Variants in MUC5AC observed in about 807,000 individuals in gnomAD.
MUC5AC encodes mucin 5AC, oligomeric mucus/gel-forming.
In MUC5AC, 158 loss-of-function variants were observed where a neutral mutation model predicts 169.7. The ratio of observed to expected loss-of-function variants is 0.93; its 90% CI spans 0.82 to 1.06. MUC5AC has a LOEUF of 1.06. MUC5AC is among the 50% of genes least tolerant of loss of function. The pLI is 0.00. For missense variants in MUC5AC, 4,359 were observed against 3,089.9 expected, an observed-to-expected ratio of 1.41 and a Z score of -9.74; for synonymous variants, 1,975 against 1,237.0, an observed-to-expected ratio of 1.60 and a Z score of -12.52.
At position 1,190,255 on chromosome 11, in the gene MUC5AC, C is replaced by T. The variant is rs1861054743; in HGVS notation, c.12110C>T (p.Pro4037Leu). The change falls in exon 31 of 49, where the codon CCC (proline) becomes CTC (leucine). Residue 4037 changes from proline to leucine, a missense_variant. By Grantham distance (98) the Pro-to-Leu change is moderately conservative (BLOSUM62 -3). Transcript: ENST00000621226. The stretch of plus-strand genomic sequence containing the variant: ...TGCCGGAACCAGGACCAGCAGGGAC[C>T]CTTCAAGATGTGCCTCAACTACGAG... ...LVCRNQDQQGPFKMCLNYEVR... is the reference protein window; with the variant it reads ...LVCRNQDQQGLFKMCLNYEVR... 4 of 729,128 alleles carry T rather than the reference C, an allele frequency of 5.5e-6. No homozygotes were observed. In the Admixed American group the frequency reaches 5.5e-5, roughly 10 times the overall value. 45.2% of individuals were successfully genotyped at this position (729,128 alleles called of 1,614,324 possible). A position where few individuals can be genotyped will look rare whatever the true frequency, so the allele number is the denominator to read the frequency against.
chr11:1,169,189 C>T, intron 15 of MUC5AC, 163 bp downstream of exon 15: 3 of 976,802 alleles, frequency 3.1e-6, no homozygotes, highest in Non-Finnish European at 3.6e-6. Flanking sequence ...GCGCCCAACC[C>T]AGCTTATGTG....
chr11:1,186,554 C>A lies in MUC5AC; in HGVS notation c.8409C>A (p.Ser2803Arg). Residue 2803 changes from serine to arginine, a missense_variant, in exon 31 of 49, where the codon AGC becomes AGA. Ser to Arg is a moderately radical substitution (Grantham distance 110). Coordinates refer to ENST00000621226, the MANE Select transcript of MUC5AC (RefSeq NM_001304359.2). ...TTSTTSTTIT[S>R]TTSAPISSTT... ...GCACAACCTCTACTACTATAACCAG[C>A]ACAACTTCTGCCCCTATAAGCAGCA... The A allele has an allele frequency of 1.4e-6, 1 of 702,222 alleles. No homozygotes were observed. Among genetic ancestry groups the A allele is most frequent in the Non-Finnish European group, 2.6e-6 (1 of 384,698 alleles). The allele number at this position is 702,222 out of a possible 1,614,324, so 43.5% of individuals were successfully genotyped here.
In MUC5AC at chr11:1,187,675, C is replaced by T; in HGVS notation, c.9530C>T (p.Thr3177Ile). 1.2e-5 allele frequency: 9 copies of T among 765,092 alleles called. No homozygotes were observed. The highest frequency in any genetic ancestry group is 2.2e-5 in the Non-Finnish European group (9 of 417,792). 47.4% of individuals were successfully genotyped at this position (765,092 alleles called of 1,614,324 possible). A position where few individuals can be genotyped will look rare whatever the true frequency, so the allele number is the denominator to read the frequency against. ...APRTSTTSAS[T>I]TSTTPGPGTT... ...AGAACCAGCACCACTTCTGCCTCTA[C>T]AACCAGCACAACCCCTGGTCCTGGA... Residue 3177 changes from threonine to isoleucine, a missense_variant, in exon 31 of 49, where the codon ACA (threonine) becomes ATA (isoleucine). Coordinates refer to ENST00000621226, the MANE Select transcript of MUC5AC (RefSeq NM_001304359.2).
In MUC5AC at chr11:1,189,198, A is replaced by C; in HGVS notation, c.11053A>C (p.Ile3685Leu). 1.7e-6 allele frequency: 1 copy of C among 598,488 alleles called. No individual in the cohort carries two copies. The highest frequency in any genetic ancestry group is 2.9e-5 in the Admixed American group (1 of 34,804). The allele number at this position is 598,488 out of a possible 1,614,324, so 37.1% of individuals were successfully genotyped here. A position where few individuals can be genotyped will look rare whatever the true frequency, so the allele number is the denominator to read the frequency against. Reference sequence around the variant, plus strand: ...TACAACTAGCACAACCCCTGCTTCTATACCCAGCACAACCTCTGCCCCAAC... The same window carrying C: ...TACAACTAGCACAACCCCTGCTTCTCTACCCAGCACAACCTCTGCCCCAAC... ...APTTSTTPAS[I>L]PSTTSAPTTS... The change falls in exon 31 of 49, where the codon ATA becomes CTA. Residue 3685 changes from isoleucine (I) to leucine (L), a missense_variant. Physicochemically the swap from Ile to Leu is conservative, Grantham distance 5 (BLOSUM62 2). Transcript: ENST00000621226.
chr11:1,190,025 C>T lies in MUC5AC; in HGVS notation c.11880C>T (p.Thr3960=). The T allele has an allele frequency of 1.4e-6, 1 of 715,914 alleles. No homozygotes were observed. The highest frequency in any genetic ancestry group is 2.6e-6 in the Non-Finnish European group (1 of 387,524). The allele number at this position is 715,914 out of a possible 1,614,324, so 44.3% of individuals were successfully genotyped here. Residue 3960 remains threonine (T), a synonymous_variant, in exon 31 of 49, where the codon ACC becomes ACT. Coordinates refer to ENST00000621226, the MANE Select transcript of MUC5AC (RefSeq NM_001304359.2). The part of the protein sequence containing the change: ...TRDCHPRCTW[T]KWFDVDFPSP... ...ACTGTCATCCCCGGTGCACCTGGAC[C>T]AAGTGGTTTGACGTGGACTTTCCAT...
In MUC5AC at chr11:1,178,683, C is replaced by T. The variant is rs1481536828; in HGVS notation, c.3327C>T (p.His1109=). 2.5e-5 allele frequency: 32 copies of T among 1,292,620 alleles called. No individual in the cohort carries two copies. The highest frequency in any genetic ancestry group is 2.3e-4 in the Admixed American group (7 of 31,082). 80.1% of individuals were successfully genotyped at this position (1,292,620 alleles called of 1,614,324 possible). The stretch of plus-strand genomic sequence containing the variant: ...CCACCTTCGCCGCCTGCCACGCACA[C>T]GTATGCTGGCCGGGGGGCGTTTCTC... ...HGPTFAACHA[H]VEPARYYEAC... The change falls in exon 25 of 49, where the codon CAC becomes CAT. Residue 1109 remains histidine (H), a splice_region_variant and synonymous_variant. Transcript: ENST00000621226.
intron 15 of MUC5AC, 189 bp downstream of exon 15, chr11:1,169,215 G>C: frequency 1.1e-6 from 1 of 949,094 alleles, no homozygotes; most frequent in Non-Finnish European, 1.3e-6. Flanking sequence ...TCAGGAATGT[G>C]GGGCATCTGC....
At chr11:1,196,339 T>C (rs748883471) in intron 37 of MUC5AC, 49 bp from the exon 38 acceptor site, 1 of 761,078 alleles carries the variant, frequency 1.3e-6, no homozygotes, top group Non-Finnish European at 2.4e-6. Context: ...CGCGTTGCTC[T>C]GGGTGGGTGC....
At position 1,190,590 on chromosome 11, in the gene MUC5AC, C is replaced by T. The variant is rs2133765727; in HGVS notation, c.12445C>T (p.Pro4149Ser). 4 of 694,650 alleles carry T rather than the reference C, an allele frequency of 5.8e-6. No homozygotes were observed. In the East Asian group the frequency reaches 1.1e-4, roughly 19 times the overall value. The allele number at this position is 694,650 out of a possible 1,614,324, so 43.0% of individuals were successfully genotyped here. A position where few individuals can be genotyped will look rare whatever the true frequency, so the allele number is the denominator to read the frequency against. ...SAPTHRTTSGPTTSTTLAPTT... is the reference protein window; with the variant it reads ...SAPTHRTTSGSTTSTTLAPTT... ...TCCTACACACAGAACGACTTCTGGT[C>T]CTACAACCAGCACAACCTTGGCTCC... The change falls in exon 31 of 49, where the codon CCT (proline) becomes TCT (serine). Residue 4149 changes from proline to serine, a missense_variant. Pro to Ser is a moderately conservative substitution (Grantham distance 74). Coordinates refer to ENST00000621226, the MANE Select transcript of MUC5AC (RefSeq NM_001304359.2).
In MUC5AC at chr11:1,199,728, C is replaced by A; in HGVS notation, c.16549C>A (p.Arg5517Ser). The A allele has an allele frequency of 2.8e-6, 2 of 711,146 alleles. No homozygotes were observed. The highest frequency in any genetic ancestry group is 5.1e-6 in the Non-Finnish European group (2 of 390,148). 44.1% of individuals were successfully genotyped at this position (711,146 alleles called of 1,614,324 possible). Reference protein sequence around the residue: ...EARMSKDGCCRFCPPPPPPYQ... With the variant: ...EARMSKDGCCSFCPPPPPPYQ... ...CCGCATGAGCAAGGACGGCTGCTGC[C>A]GCTTCTGCCCGCCGCCCCCGCCCCC... is the stretch of plus-strand genomic sequence containing the variant. Residue 5517 changes from arginine to serine, a missense_variant, in exon 47 of 49, where the codon CGC (arginine) becomes AGC (serine). Coordinates refer to ENST00000621226, the MANE Select transcript of MUC5AC (RefSeq NM_001304359.2).
chr11:1,164,387 CCT>C lies in MUC5AC; in HGVS notation c.1004-13_1004-12del, dbSNP rs748828883. On this transcript the variant is annotated intron_variant, in intron 8 of 48. Transcript: ENST00000621226. ...AGGGCAGGGGCAGGCAGACGTGAGC[CCT>C]CTCTCTGCCTCCCGCAGCCCAGAAG... 7.4e-6 allele frequency: 12 copies of C among 1,611,908 alleles called. No homozygotes were observed. The African/African-American group carries it at 1.3e-4, about 18-fold the overall frequency.
Position 1,181,147 on chromosome 11 carries a change from C to T in MUC5AC, c.3785C>T (p.Thr1262Met), listed in dbSNP as rs1052478170. 31 of 398,426 alleles carry T rather than the reference C, an allele frequency of 7.8e-5. No individual in the cohort carries two copies. The highest frequency in any genetic ancestry group is 5.1e-4 in the African/African-American group (25 of 48,598). 24.7% of individuals were successfully genotyped at this position (398,426 alleles called of 1,614,324 possible). The change falls in exon 29 of 49, where the codon ACG (threonine) becomes ATG (methionine). Residue 1262 changes from threonine (T) to methionine (M), a missense_variant. By Grantham distance (81) the Thr-to-Met change is moderately conservative (BLOSUM62 -1). Transcript: ENST00000621226. ...SDKNCQSCLCTERGVECTYKA... is the reference protein window; with the variant it reads ...SDKNCQSCLCMERGVECTYKA... ...TTCTTCCTTGTCTCCAGCCTTTGTA[C>T]GGAGCGCGGCGTGGAGTGCACCTAC...
chr11:1,191,786 T>C lies in MUC5AC; in HGVS notation c.13641T>C (p.Pro4547=). 1.3e-6 allele frequency: 1 copy of C among 762,292 alleles called. No individual in the cohort carries two copies. Among genetic ancestry groups the C allele is most frequent in the Non-Finnish European group, 2.4e-6 (1 of 416,502 alleles). The allele number at this position is 762,292 out of a possible 1,614,324, so 47.2% of individuals were successfully genotyped here. The change falls in exon 31 of 49, where the codon CCT becomes CCC. Residue 4547 remains proline, a synonymous_variant. Transcript: ENST00000621226. ...TTSGPGTSLS[P]VPTTSTTSAP... ...CTGGTCCTGGAACTTCTCTCAGCCC[T>C]GTTCCCACCACGAGCACAACCTCTG...
At position 1,192,569 on chromosome 11, in the gene MUC5AC, G is replaced by C. The variant is rs28385332; in HGVS notation, c.14380+44G>C. ...TGCAATTGTTTCTGAGCTCACCCTGGTCAGTTTTTTATCCAGGAACGCCAA... is the reference window on the plus strand; with the variant it reads ...TGCAATTGTTTCTGAGCTCACCCTGCTCAGTTTTTTATCCAGGAACGCCAA... On this transcript the variant is annotated intron_variant, in intron 31 of 48. Coordinates refer to ENST00000621226, the MANE Select transcript of MUC5AC (RefSeq NM_001304359.2). The C allele has an allele frequency of 1.3e-3, 969 of 752,234 alleles. 4 individuals are homozygous for C. In the African/African-American group the frequency reaches 0.015, roughly 11 times the overall value. The allele number at this position is 752,234 out of a possible 1,614,324, so 46.6% of individuals were successfully genotyped here.
rs1860807013 is a variant in MUC5AC at position 1,181,139 on chromosome 11, C to T, written c.3777C>T (p.Cys1259=). The part of the protein sequence containing the change: ...VVPSDKNCQS[C]LCTERGVECT... ...GCCTGCCCTTCTTCCTTGTCTCCAG[C>T]CTTTGTACGGAGCGCGGCGTGGAGT... The change falls in exon 29 of 49, where the codon TGC becomes TGT. Residue 1259 remains cysteine, a splice_region_variant and synonymous_variant. Coordinates refer to ENST00000621226, the MANE Select transcript of MUC5AC (RefSeq NM_001304359.2). 2.5e-6 allele frequency: 1 copy of T among 398,458 alleles called. No homozygotes were observed. The highest frequency in any genetic ancestry group is 2.1e-5 in the African/African-American group (1 of 48,616). The allele number at this position is 398,458 out of a possible 1,614,324, so 24.7% of individuals were successfully genotyped here.
intron 30 of MUC5AC, among the ~76,000 whole-genome samples, chr11:1,181,837 G>A (rs908519246): frequency 4.6e-5 from 7 of 152,240 alleles, no homozygotes; most frequent in Non-Finnish European, 8.8e-5. Flanking sequence ...GCCCTCTTCT[G>A]GGGGATGTCT....
Position 1,196,939 on chromosome 11 carries a change from T to C in MUC5AC, c.15861+31T>C, listed in dbSNP as rs774201744. Reference sequence around the variant, plus strand: ...TGGAAGGCATGGCCCAAGAGGGCACTGGGGTCCAAGAGCCCGAGGAGGGAG... The same window carrying C: ...TGGAAGGCATGGCCCAAGAGGGCACCGGGGTCCAAGAGCCCGAGGAGGGAG... On this transcript the variant is annotated intron_variant, in intron 40 of 48. Coordinates refer to ENST00000621226, the MANE Select transcript of MUC5AC (RefSeq NM_001304359.2). The C allele has an allele frequency of 5.9e-5, 45 of 758,412 alleles. 1 individual carries two copies. The highest frequency in any genetic ancestry group is 3.0e-4 in the South Asian group (22 of 73,068). The allele number at this position is 758,412 out of a possible 1,614,324, so 47.0% of individuals were successfully genotyped here. A position where few individuals can be genotyped will look rare whatever the true frequency, so the allele number is the denominator to read the frequency against.
chr11:1,173,462 C>T (rs1299341707), intron 16 of MUC5AC, among the ~76,000 whole-genome samples: 19 of 142,210 alleles, frequency 1.3e-4, no homozygotes, highest in African/African-American at 5.0e-4. Flanking sequence ...CTCACTCATC[C>T]ACTCACTCAT....
Position 1,186,494 on chromosome 11 carries a change from CCCTACAACCAGCACAACTTTGTCT to C in MUC5AC, c.8367_8390del (p.Leu2790_Thr2797del), listed in dbSNP as rs1860950181. The C allele has an allele frequency of 4.3e-6, 3 of 692,902 alleles. No individual in the cohort carries two copies. The highest frequency in any genetic ancestry group is 1.8e-5 in the African/African-American group (1 of 56,732). 42.9% of individuals were successfully genotyped at this position (692,902 alleles called of 1,614,324 possible). A position where few individuals can be genotyped will look rare whatever the true frequency, so the allele number is the denominator to read the frequency against. ...CTACTACAACCAGCACAATCTCTGC[CCCTACAACCAGCACAACTTTGTCT>C]CCTACAACCAGCACAACCTCTACTA... On this transcript the variant is annotated inframe_deletion, in exon 31 of 49. Coordinates refer to ENST00000621226, the MANE Select transcript of MUC5AC (RefSeq NM_001304359.2).
Sources: allele counts gnomAD v4.1 joint callset (sites outside exome capture counted in the v4.1 genomes callset), GRCh38; gene constraint gnomAD v4.1.1; transcripts MANE v1.5; gene names NCBI Gene and HGNC (gene_info 2026-07-23, HGNC 2026-07-21).